Variants in GJB1 observed in about 807,000 individuals in gnomAD.
The protein encoded by GJB1 is gap junction beta-1 protein.
Under a neutral mutation model 12.0 loss-of-function variants are expected in GJB1, and 1 was observed. That is an observed-to-expected ratio of 0.08 (90% CI 0.03 to 0.40). The LOEUF (loss-of-function observed/expected upper bound fraction) is 0.40, where lower values mean the gene tolerates loss of function less well. Among genes scored for constraint, GJB1 ranks in the 10% least tolerant of loss-of-function variants. GJB1 has a pLI of 0.98. For missense variants in GJB1, 140 were observed against 250.3 expected (o/e 0.56, Z 2.97); for synonymous variants, 114 against 102.8 (o/e 1.11, Z -0.66).
chrX:71,220,446 C>T (rs773875328), upstream of GJB1, among the ~76,000 whole-genome samples: 5 of 98,210 alleles, frequency 5.1e-5, no homozygotes, highest in Non-Finnish European at 8.2e-5. Context: ...TGCTGGGATT[C>T]GAGGCGTGAG....
In GJB1 at chrX:71,224,608, C is replaced by T. The variant is rs1242256515; in HGVS notation, c.*49C>T. On this transcript the variant is annotated 3_prime_UTR_variant, in exon 2 of 2. Coordinates refer to ENST00000361726, the MANE Select transcript of GJB1 (RefSeq NM_000166.6). ...ATCCCACCCCCGACCCTGCCCTGGGCGAGCCCCTCCTTCTCCCCTGCCGGT... is the reference window on the plus strand; with the variant it reads ...ATCCCACCCCCGACCCTGCCCTGGGTGAGCCCCTCCTTCTCCCCTGCCGGT... The T allele has an allele frequency of 1.1e-6, 1 of 943,547 alleles. No individual in the cohort carries two copies. The allele number at this position is 943,547 out of a possible 1,213,427, so 77.8% of individuals were successfully genotyped here.
In GJB1 at chrX:71,224,549, C is replaced by G. The variant is rs866253945; in HGVS notation, c.842C>G (p.Ser281Trp). 1.7e-6 allele frequency: 2 copies of G among 1,184,996 alleles called. No homozygotes were observed. Among genetic ancestry groups the G allele is most frequent in the Non-Finnish European group, 2.3e-6 (2 of 881,865 alleles). The change falls in exon 2 of 2, where the codon TCG becomes TGG. Residue 281 changes from serine to tryptophan, a missense_variant. Physicochemically the swap from Ser to Trp is radical, Grantham distance 177. Coordinates refer to ENST00000361726, the MANE Select transcript of GJB1 (RefSeq NM_000166.6). ...CTGGCTGAAAAGAGCGACCGCTGCT[C>G]GGCCTGCTGATGCCACATACCAGGC... is the stretch of plus-strand genomic sequence containing the variant. Reference protein sequence around the residue: ...AGLAEKSDRCSAC With the variant: ...AGLAEKSDRCWAC
At chrX:71,218,651 A>G (rs2092530171), upstream of GJB1, among the ~76,000 whole-genome samples, 1 of 109,823 alleles carries the variant, frequency 9.1e-6, no homozygotes, top group Non-Finnish European at 1.9e-5. Flanking sequence ...TCGGAGGCCG[A>G]GGCGGGCGGA....
chrX:71,217,104 ATGTGTG>A (rs34246909), intron 1 of GJB1, among the ~76,000 whole-genome samples: 1,233 of 93,538 alleles, frequency 0.013, 12 homozygotes, highest in African/African-American at 0.04. Context: ...GACTAGACGA[ATGTGTG>A]TGTGTGTGTG....
chrX:71,220,628 TC>T (rs1418524869), upstream of GJB1, among the ~76,000 whole-genome samples: 1 of 109,025 alleles, frequency 9.2e-6, no homozygotes, highest in East Asian at 2.9e-4. Context: ...TGCCTCAGCC[TC>T]CTGAGTAGCT....
upstream of GJB1, among the ~76,000 whole-genome samples, chrX:71,218,700 G>C (rs2092530282): frequency 9.1e-6 from 1 of 110,007 alleles, no homozygotes; most frequent in South Asian, 3.8e-4. Context: ...TGGCTAACAC[G>C]GTGAAACCCC....
At chrX:71,220,142 C>CT (rs41353351), upstream of GJB1, among the ~76,000 whole-genome samples, 1,061 of 52,793 alleles carry the variant, frequency 0.02, 113 homozygotes, top group African/African-American at 0.077. Flanking sequence ...TGTGCCTGGC[C>CT]TTTTTTTTTT....
chrX:71,219,647 G>C (rs1475771671), upstream of GJB1, among the ~76,000 whole-genome samples: 4 of 101,383 alleles, frequency 3.9e-5, no homozygotes, highest in Non-Finnish European at 8.0e-5. Context: ...GGTGGCGGGC[G>C]CCTGTAGTCC....
At chrX:71,223,454 G>A (rs976280442) in intron 1 of GJB1, 119 bp downstream of exon 1, 2 of 441,075 alleles carry the variant, frequency 4.5e-6, no homozygotes, top group African/African-American at 4.9e-5. Flanking sequence ...GGGCTGGCGG[G>A]AAAAGAATGT....
Position 71,224,328 on chromosome X carries a change from C to T in GJB1, c.621C>T (p.Ala207=). ...GCATCTGCATCATCCTCAATGTGGC[C>T]GAGGTGGTGTACCTCATCATCCGGG... is the stretch of plus-strand genomic sequence containing the variant. ...ASGICIILNV[A]EVVYLIIRAC... The change falls in exon 2 of 2, where the codon GCC becomes GCT. Residue 207 remains alanine, a synonymous_variant. Transcript: ENST00000361726. The T allele has an allele frequency of 3.3e-6, 4 of 1,209,343 alleles. No homozygotes were observed. Among genetic ancestry groups the T allele is most frequent in the South Asian group, 3.5e-5 (2 of 56,821 alleles).
chrX:71,222,641 T>C (rs2092539875), upstream of GJB1: 1 of 107,081 alleles, frequency 9.3e-6, no homozygotes. Flanking sequence ...CTCAGATACA[T>C]TGTTTCATCC....
Position 71,224,622 on chromosome X carries a change from T to G in GJB1, c.*63T>G. The G allele has an allele frequency of 2.2e-6, 2 of 928,851 alleles. No individual in the cohort carries two copies. The highest frequency in any genetic ancestry group is 3.0e-6 in the Non-Finnish European group (2 of 663,752). The allele number at this position is 928,851 out of a possible 1,213,427, so 76.5% of individuals were successfully genotyped here. On this transcript the variant is annotated 3_prime_UTR_variant, in exon 2 of 2. Coordinates refer to ENST00000361726, the MANE Select transcript of GJB1 (RefSeq NM_000166.6). ...CCTGCCCTGGGCGAGCCCCTCCTTC[T>G]CCCCTGCCGGTGCACAGGCCTCTGC...
rs104894814 is a variant in GJB1, at chrX:71,224,365, C to G, written c.658C>G (p.Arg220Gly). The G allele has an allele frequency of 6.6e-6, 8 of 1,207,684 alleles. No individual in the cohort carries two copies. The highest frequency in any genetic ancestry group is 8.9e-6 in the Non-Finnish European group (8 of 894,734). Residue 220 changes from arginine to glycine, a missense_variant, in exon 2 of 2, where the codon CGA becomes GGA. Arg to Gly is a moderately radical substitution (Grantham distance 125). This residue lies in a region of GJB1 where 75 missense variants were observed against 78.8 expected (regional missense o/e 0.95). Transcript: ENST00000361726. ...VYLIIRACAR[R>G]AQRRSNPPSR... ...CCTCATCATCCGGGCCTGTGCCCGCCGAGCCCAGCGCCGCTCCAATCCACC... is the reference window on the plus strand; with the variant it reads ...CCTCATCATCCGGGCCTGTGCCCGCGGAGCCCAGCGCCGCTCCAATCCACC...
chrX:71,224,608 C>G lies in GJB1; in HGVS notation c.*49C>G, dbSNP rs1242256515. On this transcript the variant is annotated 3_prime_UTR_variant, in exon 2 of 2. Coordinates refer to ENST00000361726, the MANE Select transcript of GJB1 (RefSeq NM_000166.6). ...ATCCCACCCCCGACCCTGCCCTGGGCGAGCCCCTCCTTCTCCCCTGCCGGT... is the reference window on the plus strand; with the variant it reads ...ATCCCACCCCCGACCCTGCCCTGGGGGAGCCCCTCCTTCTCCCCTGCCGGT... The G allele has an allele frequency of 1.6e-5, 15 of 939,897 alleles. No homozygotes were observed. Among genetic ancestry groups the G allele is most frequent in the Non-Finnish European group, 2.1e-5 (14 of 673,326 alleles). 77.5% of individuals were successfully genotyped at this position (939,897 alleles called of 1,213,427 possible).
chrX:71,216,081 G>T, intron 1 of GJB1, among the ~76,000 whole-genome samples: 1 of 109,973 alleles, frequency 9.1e-6, no homozygotes, highest in Non-Finnish European at 1.9e-5. Context: ...ATGTTGGTCA[G>T]GCTGGTCTCA....
At chrX:71,223,610 G>T (rs192195270) in intron 1 of GJB1, 82 bp from the exon 2 acceptor site, 249 of 898,660 alleles carry the variant, frequency 2.8e-4, no homozygotes, top group Middle Eastern at 1.4e-3. Context: ...AAGAGTTGAG[G>T]GGGGGTGCGC....
chrX:71,224,518 G>A lies in GJB1; in HGVS notation c.811G>A (p.Ala271Thr), dbSNP rs756258267. 55 of 1,193,071 alleles carry A rather than the reference G, an allele frequency of 4.6e-5. No individual in the cohort carries two copies. Among genetic ancestry groups the A allele is most frequent in the Non-Finnish European group, 6.0e-5 (53 of 886,543 alleles). ...ACTGCGCCGCAGCCCTGGCACCGGG[G>A]CTGGGCTGGCTGAAAAGAGCGACCG... ...DILRRSPGTG[A>T]GLAEKSDRCS... The change falls in exon 2 of 2, where the codon GCT becomes ACT. Residue 271 changes from alanine (A) to threonine (T), a missense_variant. Physicochemically the swap from Ala to Thr is moderately conservative, Grantham distance 58. Coordinates refer to ENST00000361726, the MANE Select transcript of GJB1 (RefSeq NM_000166.6).
chrX:71,217,795 G>A (rs1389003286), intron 1 of GJB1: 1 of 107,075 alleles, frequency 9.3e-6, no homozygotes, highest in Non-Finnish European at 1.9e-5. Context: ...CAAGAACCTA[G>A]AAACTCAGGG....
chrX:71,220,786 C>A (rs769336601), upstream of GJB1, among the ~76,000 whole-genome samples: 100 of 109,141 alleles, frequency 9.2e-4, no homozygotes, highest in Non-Finnish European at 1.9e-4. Flanking sequence ...CAGGCGTGAG[C>A]CCCTGCACCC....
Sources: allele counts gnomAD v4.1 joint callset (sites outside exome capture counted in the v4.1 genomes callset), GRCh38; gene constraint gnomAD v4.1.1; regional missense constraint gnomAD v4.1.1; transcripts MANE v1.5; gene names NCBI Gene and HGNC (gene_info 2026-07-23, HGNC 2026-07-21).